The following SCN4B variants were observed in gnomAD, a reference collection of about 807,000 sequenced individuals.
SCN4B encodes sodium channel regulatory subunit beta-4.
Under a neutral mutation model 19.6 loss-of-function variants are expected in SCN4B, and 20 were observed. The ratio of observed to expected loss-of-function variants is 1.02; its 90% CI spans 0.72 to 1.48. The LOEUF (loss-of-function observed/expected upper bound fraction) is 1.48, where lower values mean the gene tolerates loss of function less well. Among genes scored for constraint, SCN4B ranks in the 40% most tolerant of loss-of-function variants. The probability of loss-of-function intolerance (pLI) is 0.00; values close to 1 mark genes in which losing one functional copy is unlikely to be tolerated. For synonymous variants in SCN4B, 127 were observed against 122.8 expected (o/e 1.03, Z -0.22); for missense variants, 271 against 287.5 (o/e 0.94, Z 0.42).
chr11:118,151,228 C>T lies in SCN4B; in HGVS notation c.61+1385G>A, dbSNP rs2135509599. Among the ~76,000 whole-genome samples the T allele has an allele frequency of 1.3e-5, 2 of 152,216 alleles. 1 individual carries two copies. Among genetic ancestry groups the T allele is most frequent in the South Asian group, 4.1e-4 (2 of 4,820 alleles). ...TTCTAACAAACAAGGGACTGGCATC[C>T]CACCACCCAGGAAGGTAAGCCAGAG... On this transcript the variant is annotated intron_variant, in intron 1 of 4. Transcript: ENST00000324727.
At position 118,148,635 on chromosome 11, in the gene SCN4B, A is replaced by C. The variant is rs1369033778; in HGVS notation, c.62-3406T>G. On this transcript the variant is annotated intron_variant, in intron 1 of 4. Transcript: ENST00000324727. This position sits in a 1 kb window ranked among gnomAD's most constrained non-coding sequence, Gnocchi z 4.0. ...GGGCCGCCGTGAGTGGGCACCCTGC[A>C]GGTAGAGGAGGGTGGTATTTGAAAG... Among the ~76,000 whole-genome samples the C allele has an allele frequency of 6.6e-6, 1 of 152,162 alleles. No individual in the cohort carries two copies. The highest frequency in any genetic ancestry group is 2.4e-5 in the African/African-American group (1 of 41,438).
chr11:118,144,968 TG>T, intron 2 of SCN4B, 88 bp downstream of exon 2: 2 of 1,320,356 alleles, frequency 1.5e-6, no homozygotes, highest in Non-Finnish European at 2.2e-6. Flanking sequence ...ACCATCGCAG[TG>T]GGTCTCAGTC....
At chr11:118,140,797 C>A (rs1006031140) in intron 4 of SCN4B, among the ~76,000 whole-genome samples, 2 of 152,206 alleles carry the variant, frequency 1.3e-5, no homozygotes, top group Non-Finnish European at 2.9e-5. Context: ...GTTCCCATCT[C>A]CCTAGAAGAG....
chr11:118,142,598 A>G (rs1948112541), intron 3 of SCN4B, among the ~76,000 whole-genome samples: 2 of 152,182 alleles, frequency 1.3e-5, no homozygotes, highest in Non-Finnish European at 2.9e-5. Context: ...AAAGGCAGGA[A>G]TTTGTCTATC....
intron 1 of SCN4B, among the ~76,000 whole-genome samples, chr11:118,152,006 C>G (rs570872378): frequency 3.1e-4 from 47 of 152,186 alleles, no homozygotes; most frequent in African/African-American, 1.1e-3. Context: ...GAGACAAGGC[C>G]GTTCCTAAAG....
chr11:118,151,353 G>A (rs1948231535), intron 1 of SCN4B, among the ~76,000 whole-genome samples: 1 of 152,146 alleles, frequency 6.6e-6, no homozygotes, highest in African/African-American at 2.4e-5. Flanking sequence ...GATCTGAGAT[G>A]GGATGAGGGG....
At chr11:118,137,275 G>A (rs1159088450) in intron 4 of SCN4B, among the ~76,000 whole-genome samples, 155 bp from the exon 5 acceptor site, 2 of 152,160 alleles carry the variant, frequency 1.3e-5, no homozygotes, top group African/African-American at 4.8e-5. Flanking sequence ...TAACCTCTCT[G>A]TACCTCAGTC....
In SCN4B at chr11:118,134,187, C is replaced by G. The variant is rs1005913807; in HGVS notation, c.*2840G>C. 2.9e-5 allele frequency: 13 copies of G among 454,074 alleles called. No individual in the cohort carries two copies. Among genetic ancestry groups the G allele is most frequent in the Non-Finnish European group, 5.3e-5 (12 of 226,810 alleles). 28.1% of individuals were successfully genotyped at this position (454,074 alleles called of 1,614,324 possible). On this transcript the variant is annotated 3_prime_UTR_variant, in exon 5 of 5. Transcript: ENST00000324727. ...ATTCGGGCTGCCTTCTGTTCAATTA[C>G]GACATGGGGAGAAGCCCAGAACCTG...
chr11:118,141,453 A>G, intron 3 of SCN4B, 117 bp from the exon 4 acceptor site: 1 of 1,223,110 alleles, frequency 8.2e-7, no homozygotes, highest in Non-Finnish European at 1.2e-6. Context: ...CATCCGGGGC[A>G]CATCCACTCC....
chr11:118,144,953 T>C, intron 2 of SCN4B, 104 bp downstream of exon 2: 1 of 1,179,446 alleles, frequency 8.5e-7, no homozygotes, highest in South Asian at 1.2e-5. Context: ...AGGTGGGTTC[T>C]GGGGACCATC....
rs1230446349 is a variant in SCN4B at position 118,141,211 on chromosome 11, T to C, written c.589A>G (p.Lys197Glu). The C allele has an allele frequency of 6.2e-7, 1 of 1,612,896 alleles. No homozygotes were observed. The change falls in exon 4 of 5, where the codon AAG becomes GAG. Residue 197 changes from lysine to glutamate, a missense_variant. Coordinates refer to ENST00000324727, the MANE Select transcript of SCN4B (RefSeq NM_174934.4). The part of the protein sequence containing the change: ...IIFILKKTRE[K>E]KKECLVSSSG... ...GTGTGCTCCAGATCAACTCACTTCT[T>C]CTCCCGAGTCTTCTTCAGGATGAAG...
intron 3 of SCN4B, chr11:118,141,556 C>T: frequency 1.7e-6 from 1 of 598,624 alleles, no homozygotes; most frequent in Non-Finnish European, 3.0e-6. Flanking sequence ...GGGCCCTCTC[C>T]CCCACCCTGC....
chr11:118,149,629 C>T (rs778164720), intron 1 of SCN4B, among the ~76,000 whole-genome samples: 3 of 152,214 alleles, frequency 2.0e-5, no homozygotes, highest in Non-Finnish European at 4.4e-5. Context: ...CCTGAGACAG[C>T]ATGGGATGCT....
chr11:118,145,758 C>G (rs1948165944), intron 1 of SCN4B: 2 of 257,094 alleles, frequency 7.8e-6, no homozygotes, highest in African/African-American at 4.5e-5. Context: ...CAGTCCCGGG[C>G]CGCCGTCCAG....
At chr11:118,138,114 G>A (rs1948044423) in intron 4 of SCN4B, among the ~76,000 whole-genome samples, 1 of 152,160 alleles carries the variant, frequency 6.6e-6, no homozygotes, top group Non-Finnish European at 1.5e-5. Context: ...CAGCGCCCAG[G>A]CTGGGCACAC....
At position 118,134,146 on chromosome 11, in the gene SCN4B, C is replaced by T. The variant is rs1380096357; in HGVS notation, c.*2881G>A. ...CATCGGCTGCTCTCCCCAGGCCTCT[C>T]TAACATCAGGGGTTTATTCGGGCTG... On this transcript the variant is annotated 3_prime_UTR_variant, in exon 5 of 5. Transcript: ENST00000324727. The T allele has an allele frequency of 1.1e-5, 5 of 454,306 alleles. No homozygotes were observed. The highest frequency in any genetic ancestry group is 1.8e-5 in the Non-Finnish European group (4 of 226,806). The allele number at this position is 454,306 out of a possible 1,614,324, so 28.1% of individuals were successfully genotyped here.
intron 1 of SCN4B, among the ~76,000 whole-genome samples, chr11:118,146,692 A>T (rs1324868097): frequency 2.0e-5 from 3 of 152,218 alleles, no homozygotes; most frequent in Non-Finnish European, 4.4e-5. Context: ...GTGGTCCAGT[A>T]ACCCCATCGT....
chr11:118,142,546 T>TTG (rs1175357510), intron 3 of SCN4B, among the ~76,000 whole-genome samples: 1 of 74,978 alleles, frequency 1.3e-5, no homozygotes, highest in Non-Finnish European at 2.5e-5. Context: ...TTATTTTCTA[T>TTG]TGGTATCTCC....
intron 1 of SCN4B, among the ~76,000 whole-genome samples, chr11:118,150,573 A>G (rs559789766): frequency 2.2e-4 from 33 of 152,204 alleles, no homozygotes; most frequent in Non-Finnish European, 4.6e-4. Flanking sequence ...ACAGAGCCCA[A>G]GAAACTTAGA....
Sources: allele counts gnomAD v4.1 joint callset (sites outside exome capture counted in the v4.1 genomes callset), GRCh38; gene constraint gnomAD v4.1.1; non-coding constraint Gnocchi (gnomAD v3.1); transcripts MANE v1.5; gene names NCBI Gene and HGNC (gene_info 2026-07-23, HGNC 2026-07-21).